Variants in RAMP3 observed in about 807,000 individuals in gnomAD.
The protein encoded by RAMP3 is receptor activity-modifying protein 3.
A neutral mutation model predicts 13.5 loss-of-function variants in RAMP3; 14 were observed. That is an observed-to-expected ratio of 1.04 (90% CI 0.69 to 1.63). The LOEUF is 1.63. RAMP3 is among the 40% of genes most tolerant of loss of function. RAMP3 has a pLI of 0.00. For synonymous variants in RAMP3, 106 were observed against 88.3 expected, an observed-to-expected ratio of 1.20 and a Z score of -1.12; for missense variants, 200 against 204.8, an observed-to-expected ratio of 0.98 and a Z score of 0.14.
chr7:45,176,387 T>TACACACACACAC (rs57539624), intron 1 of RAMP3, among the ~76,000 whole-genome samples: 88 of 147,734 alleles, frequency 6.0e-4, no homozygotes, highest in African/African-American at 2.2e-3. Context: ...GCTGTGTACC[T>TACACACACACAC]ACACACACAC....
At chr7:45,168,406 C>CAA (rs71030854) in intron 1 of RAMP3, among the ~76,000 whole-genome samples, 5,305 of 66,348 alleles carry the variant, frequency 0.08, 64 homozygotes, top group Non-Finnish European at 0.097. Context: ...ACTCTGTTTC[C>CAA]AAAAAAAAAA....
chr7:45,180,107 A>C (rs539507867), intron 2 of RAMP3, among the ~76,000 whole-genome samples: 23 of 152,370 alleles, frequency 1.5e-4, no homozygotes, highest in African/African-American at 5.3e-4. Context: ...TACCTTTCTC[A>C]AGCTCTGGCG....
At chr7:45,179,882 A>G (rs150987013) in intron 2 of RAMP3, among the ~76,000 whole-genome samples, 111 of 152,278 alleles carry the variant, frequency 7.3e-4, no homozygotes, top group African/African-American at 2.4e-3. Context: ...CAGAAGGAGG[A>G]AAAAAATGAG....
At chr7:45,166,975 T>TTTTTTTTTTTA (rs59049530) in intron 1 of RAMP3, among the ~76,000 whole-genome samples, 11 of 149,900 alleles carry the variant, frequency 7.3e-5, no homozygotes, top group Non-Finnish European at 1.0e-4. Flanking sequence ...TTTTTTTTTT[T>TTTTTTTTTTTA]GAGACAGAGT....
Position 45,183,466 on chromosome 7 carries a change from TG to T in RAMP3, c.*58del, listed in dbSNP as rs1786362443. Reference sequence around the variant, plus strand: ...CCTGGCAAGCTGGAAGAAAGTTCCCTGGGGATGGGAGAGCGGGTGGGTGCTG... The same window carrying T: ...CCTGGCAAGCTGGAAGAAAGTTCCCTGGGATGGGAGAGCGGGTGGGTGCTG... On this transcript the variant is annotated 3_prime_UTR_variant, in exon 3 of 3. Transcript: ENST00000242249. 4.4e-6 allele frequency: 7 copies of T among 1,595,068 alleles called. No individual in the cohort carries two copies. The highest frequency in any genetic ancestry group is 5.1e-6 in the Non-Finnish European group (6 of 1,173,222).
chr7:45,171,658 G>A (rs1786085396), intron 1 of RAMP3, among the ~76,000 whole-genome samples: 1 of 152,002 alleles, frequency 6.6e-6, no homozygotes, highest in Non-Finnish European at 1.5e-5. Context: ...CCGGGCTGTA[G>A]TGCAGTGGCA....
intron 1 of RAMP3, 69 bp from the exon 2 acceptor site, chr7:45,177,240 T>C (rs2128658066): frequency 6.3e-7 from 1 of 1,599,250 alleles, no homozygotes; most frequent in Admixed American, 1.7e-5. Flanking sequence ...TATGGCCCCT[T>C]GGGCCTCCCC....
intron 2 of RAMP3, among the ~76,000 whole-genome samples, chr7:45,180,814 G>T (rs1786294626): frequency 6.6e-6 from 1 of 152,252 alleles, no homozygotes; most frequent in Non-Finnish European, 1.5e-5. Context: ...CTGGGTTGTG[G>T]TGCATCTTTT....
In RAMP3 at chr7:45,183,176, A is replaced by T; in HGVS notation, c.211A>T (p.Asn71Tyr). The change falls in exon 3 of 3, where the codon AAC becomes TAC. Residue 71 changes from asparagine to tyrosine, a missense_variant. Coordinates refer to ENST00000242249, the MANE Select transcript of RAMP3 (RefSeq NM_005856.3). ...EFIVYYESFT[N>Y]CTEMEANVVG... The stretch of plus-strand genomic sequence containing the variant: ...TTGCAGGTACTATGAGAGTTTCACC[A>T]ACTGCACCGAGATGGAGGCCAATGT... 6.2e-7 allele frequency: 1 copy of T among 1,611,964 alleles called. No homozygotes were observed. The highest frequency in any genetic ancestry group is 8.5e-7 in the Non-Finnish European group (1 of 1,179,908).
At chr7:45,171,677 G>A (rs1469866975) in intron 1 of RAMP3, among the ~76,000 whole-genome samples, 1 of 152,024 alleles carries the variant, frequency 6.6e-6, no homozygotes, top group East Asian at 1.9e-4. Flanking sequence ...CATGATCATG[G>A]CTCACTGTAG....
intron 2 of RAMP3, among the ~76,000 whole-genome samples, chr7:45,181,244 T>C (rs1389247888): frequency 6.6e-6 from 1 of 152,242 alleles, no homozygotes; most frequent in Non-Finnish European, 1.5e-5. Flanking sequence ...CCATGTTGGC[T>C]CTGCAACCTG....
At chr7:45,166,958 C>CTTTTTTTTTTTTTTTTTTT (rs202162694) in intron 1 of RAMP3, among the ~76,000 whole-genome samples, 12 of 101,238 alleles carry the variant, frequency 1.2e-4, no homozygotes, top group African/African-American at 2.3e-4. Context: ...GTCTTTGATG[C>CTTTTTTTTTTTTTTTTTTT]TTTTTTTTTT....
Position 45,183,064 on chromosome 7 carries a change from C to T in RAMP3, c.192-93C>T. The stretch of plus-strand genomic sequence containing the variant: ...AATAGGTGGCCAAATGGGACTGTAC[C>T]CAAGCCACCCCACCCATCTTCCTGG... On this transcript the variant is annotated intron_variant, in intron 2 of 2. Coordinates refer to ENST00000242249, the MANE Select transcript of RAMP3 (RefSeq NM_005856.3). 4.5e-6 allele frequency: 7 copies of T among 1,547,118 alleles called. No individual in the cohort carries two copies. In the South Asian group the frequency reaches 7.1e-5, roughly 16 times the overall value.
chr7:45,183,108 G>A (rs1232946967), intron 2 of RAMP3, 49 bp from the exon 3 acceptor site: 6 of 1,598,532 alleles, frequency 3.8e-6, no homozygotes, highest in African/African-American at 1.3e-5. Context: ...CAGGGCAGGT[G>A]TGAGGGGGGA....
intron 1 of RAMP3, among the ~76,000 whole-genome samples, chr7:45,171,227 C>T (rs1219032160): frequency 6.0e-5 from 9 of 150,346 alleles, no homozygotes; most frequent in Non-Finnish European, 1.3e-4. Context: ...GTGATCTCGG[C>T]CCACTGCAAC....
Position 45,177,378 on chromosome 7 carries a change from C to T in RAMP3, c.128C>T (p.Ala43Val), listed in dbSNP as rs1173427356. 2 of 1,614,018 alleles carry T rather than the reference C, an allele frequency of 1.2e-6. No homozygotes were observed. Among genetic ancestry groups the T allele is most frequent in the Non-Finnish European group, 1.7e-6 (2 of 1,179,982 alleles). ...GAGAGGCTGCCCCTGTGTGGGAAGG[C>T]TTTCGCAGACATGATGGGCAAGGTG... is the stretch of plus-strand genomic sequence containing the variant. ...MLERLPLCGK[A>V]FADMMGKVDV... Residue 43 changes from alanine to valine, a missense_variant, in exon 2 of 3, where the codon GCT (alanine) becomes GTT (valine). By Grantham distance (64) the Ala-to-Val change is moderately conservative. Coordinates refer to ENST00000242249, the MANE Select transcript of RAMP3 (RefSeq NM_005856.3).
In RAMP3 at chr7:45,157,793, C is replaced by T. The variant is rs1474027280; in HGVS notation, c.-36C>T. On this transcript the variant is annotated 5_prime_UTR_variant, in exon 1 of 3. Coordinates refer to ENST00000242249, the MANE Select transcript of RAMP3 (RefSeq NM_005856.3). ...GGGCGTCCCCCAGCCGCGCCCCCAG[C>T]GGGACCGAGCGTGACCCAGCTGCGG... 2 of 1,425,120 alleles carry T rather than the reference C, an allele frequency of 1.4e-6. No individual in the cohort carries two copies. Among genetic ancestry groups the T allele is most frequent in the Non-Finnish European group, 1.8e-6 (2 of 1,098,304 alleles). The allele number at this position is 1,425,120 out of a possible 1,614,324, so 88.3% of individuals were successfully genotyped here.
intron 1 of RAMP3, among the ~76,000 whole-genome samples, chr7:45,174,420 T>C (rs1057515089): frequency 6.6e-6 from 1 of 152,210 alleles, no homozygotes; most frequent in Admixed American, 6.5e-5. Context: ...TCTTGGTCCA[T>C]CTCTGGGCCA....
At chr7:45,170,855 C>T (rs1043869511) in intron 1 of RAMP3, among the ~76,000 whole-genome samples, 12 of 151,864 alleles carry the variant, frequency 7.9e-5, no homozygotes, top group African/African-American at 2.9e-4. Context: ...CACAATGGTG[C>T]CCAGGCTGGT....
Sources: gnomAD v4.1 joint callset for allele counts (sites outside exome capture counted in the v4.1 genomes callset) on GRCh38, gnomAD v4.1.1 for gene constraint, MANE v1.5 for transcripts, NCBI Gene and HGNC (gene_info 2026-07-23, HGNC 2026-07-21) for gene names.